Variants in TAF5L observed in about 807,000 individuals in gnomAD.
TAF5L encodes the protein TATA-box binding protein associated factor 5 like.
Under a neutral mutation model 51.3 loss-of-function variants are expected in TAF5L, and 7 were observed. That is an observed-to-expected ratio of 0.14 (90% CI 0.08 to 0.26). The LOEUF is 0.26. Among genes scored for constraint, TAF5L ranks in the 10% least tolerant of loss-of-function variants. The pLI is 1.00. For synonymous variants in TAF5L, 291 were observed against 308.1 expected, an observed-to-expected ratio of 0.94 and a Z score of 0.58; for missense variants, 575 against 758.9, an observed-to-expected ratio of 0.76 and a Z score of 2.85.
At position 229,614,339 on chromosome 1, in the gene TAF5L, A is replaced by G. The variant is rs1001986296; in HGVS notation, c.142+2T>C. 8.1e-6 allele frequency: 13 copies of G among 1,614,112 alleles called. No homozygotes were observed. The highest frequency in any genetic ancestry group is 1.1e-5 in the Non-Finnish European group (13 of 1,180,028). On this transcript the variant is annotated splice_donor_variant, in intron 2 of 4. Coordinates refer to ENST00000258281, the Ensembl canonical transcript of TAF5L. LOFTEE classifies it high-confidence loss of function. ...CCCCACCAGACGAGCCCCCACCATT[A>G]CCTGTTAGATTGGCCGCCATCTCTT... is the stretch of plus-strand genomic sequence containing the variant.
At chr1:229,605,007 G>A (rs1011488339) in intron 3 of TAF5L, among the ~76,000 whole-genome samples, 3 of 151,928 alleles carry the variant, frequency 2.0e-5, no homozygotes, top group African/African-American at 7.3e-5. Flanking sequence ...GCGCGATCTC[G>A]GCTCATTGCA....
Position 229,594,284 on chromosome 1 carries a change from C to T in TAF5L, c.*13G>A. ...CCACTGTTACCCCAGTCCGTTCCAA[C>T]AAAGTTAAAAAATTAATGTTCCTGA... On this transcript the variant is annotated 3_prime_UTR_variant, in exon 5 of 5. Coordinates refer to ENST00000258281, the Ensembl canonical transcript of TAF5L. This position sits in a 1 kb window ranked among gnomAD's most constrained non-coding sequence, Gnocchi z 7.9. The T allele has an allele frequency of 6.3e-7, 1 of 1,599,402 alleles. No individual in the cohort carries two copies. The highest frequency in any genetic ancestry group is 1.3e-5 in the African/African-American group (1 of 74,704).
chr1:229,618,726 G>A (rs1174017953), intron 1 of TAF5L, among the ~76,000 whole-genome samples: 1 of 152,088 alleles, frequency 6.6e-6, no homozygotes, highest in African/African-American at 2.4e-5. Flanking sequence ...TCCCTTCAGT[G>A]GTTACACGCT....
intron 4 of TAF5L, chr1:229,600,343 G>A: frequency 2.0e-6 from 2 of 985,452 alleles, no homozygotes; most frequent in Non-Finnish European, 2.4e-6. Flanking sequence ...AAAAAGGGCA[G>A]AGGTTAGCTA....
chr1:229,598,484 C>A (rs1031671231), intron 4 of TAF5L, among the ~76,000 whole-genome samples: 2 of 152,122 alleles, frequency 1.3e-5, no homozygotes, highest in Admixed American at 1.3e-4. Context: ...GGGGGCAAAA[C>A]CACCAGACAT....
At chr1:229,622,710 A>G (rs1665258486) in intron 1 of TAF5L, among the ~76,000 whole-genome samples, 1 of 152,208 alleles carries the variant, frequency 6.6e-6, no homozygotes. Context: ...GAGCTCAAAG[A>G]TCTTCCTGAG....
At chr1:229,618,759 C>T (rs1186347457) in intron 1 of TAF5L, among the ~76,000 whole-genome samples, 1 of 152,112 alleles carries the variant, frequency 6.6e-6, no homozygotes, top group Non-Finnish European at 1.5e-5. Context: ...TCCACCCCCA[C>T]CCCCGTTAGG....
intron 3 of TAF5L, among the ~76,000 whole-genome samples, chr1:229,603,875 A>C (rs972511919): frequency 5.3e-5 from 8 of 152,232 alleles, no homozygotes; most frequent in African/African-American, 1.9e-4. Context: ...CAGCAGGGCC[A>C]CTGCAGGGCA....
chr1:229,620,241 T>C (rs1333701620), intron 1 of TAF5L, among the ~76,000 whole-genome samples: 1 of 152,188 alleles, frequency 6.6e-6, no homozygotes, highest in Non-Finnish European at 1.5e-5. Context: ...TCTCGCTCTC[T>C]TTAGAGAAGT....
rs1664036886 is a variant in TAF5L at position 229,594,373 on chromosome 1, T to C, written c.1694A>G (p.Asn565Ser). The change falls in exon 5 of 5, where the codon AAC (asparagine) becomes AGC (serine). Residue 565 changes from asparagine (N) to serine (S), a missense_variant. Around this residue, in one of 3 missense-constraint regions of TAF5L, gnomAD observed 91 missense variants for 96.9 expected, o/e 0.94. Transcript: ENST00000258281. The surrounding 1 kb of genome is among the most constrained non-coding windows in gnomAD (Gnocchi z 7.9). Reference sequence around the variant, plus strand: ...GGCCATGAACTGCACGCTCAGGACGTTGCTCATCTGCCCGGTGTACACGCC... The same window carrying C: ...GGCCATGAACTGCACGCTCAGGACGCTGCTCATCTGCCCGGTGTACACGCC... 1 of 1,614,132 alleles carries C rather than the reference T, an allele frequency of 6.2e-7. No homozygotes were observed. Among genetic ancestry groups the C allele is most frequent in the African/African-American group, 1.3e-5 (1 of 75,042 alleles).
At position 229,602,350 on chromosome 1, in the gene TAF5L, T is replaced by C. The variant is rs376562121; in HGVS notation, c.817A>G (p.Thr273Ala). Residue 273 changes from threonine to alanine, a missense_variant, in exon 4 of 5, where the codon ACT becomes GCT. Physicochemically the swap from Thr to Ala is moderately conservative, Grantham distance 58 (BLOSUM62 0). This residue lies in a region of TAF5L where 380 missense variants were observed against 443.7 expected (regional missense o/e 0.86). Coordinates refer to ENST00000258281, the Ensembl canonical transcript of TAF5L. The surrounding 1 kb of genome is among the most constrained non-coding windows in gnomAD (Gnocchi z 4.6). ...TTGCTATCGGGGGAGATTTCTGCAGTGTTCAACAGCTGCTCTGTGTTATAG... is the reference window on the plus strand; with the variant it reads ...TTGCTATCGGGGGAGATTTCTGCAGCGTTCAACAGCTGCTCTGTGTTATAG... 74 of 1,614,012 alleles carry C rather than the reference T, an allele frequency of 4.6e-5. No homozygotes were observed. The highest frequency in any genetic ancestry group is 6.0e-5 in the Non-Finnish European group (71 of 1,180,036).
intron 1 of TAF5L, among the ~76,000 whole-genome samples, chr1:229,615,232 C>A (rs910248174): frequency 6.6e-5 from 10 of 152,066 alleles, no homozygotes; most frequent in Non-Finnish European, 1.3e-4. Context: ...GGACTACAGG[C>A]ACCCACCACC....
intron 4 of TAF5L, among the ~76,000 whole-genome samples, chr1:229,596,876 T>A (rs1287426798): frequency 6.6e-6 from 1 of 152,202 alleles, no homozygotes. Flanking sequence ...GGGCACCTTT[T>A]TTTTCTACTT....
intron 3 of TAF5L, among the ~76,000 whole-genome samples, chr1:229,603,319 T>C (rs1664459879): frequency 6.6e-6 from 1 of 152,222 alleles, no homozygotes; most frequent in Non-Finnish European, 1.5e-5. Flanking sequence ...TCTTGGAAGA[T>C]TGAGTTCTTC....
chr1:229,625,646 G>A lies in TAF5L; in HGVS notation c.-4+239C>T, dbSNP rs2102772381. 6.6e-6 allele frequency among the ~76,000 whole-genome samples: 1 copy of A among 151,036 alleles called. No homozygotes were observed. The highest frequency in any genetic ancestry group is 2.4e-5 in the African/African-American group (1 of 41,378). The stretch of plus-strand genomic sequence containing the variant: ...GTCCAGGTGTAGCCGCCGACTGCAG[G>A]CCACGCCGCCGGCCGCAGCCCGGGA... On this transcript the variant is annotated intron_variant, in intron 1 of 4. Transcript: ENST00000258281. This position sits in a 1 kb window ranked among gnomAD's most constrained non-coding sequence, Gnocchi z 4.0.
At chr1:229,599,985 T>C in intron 4 of TAF5L, 1 of 985,488 alleles carries the variant, frequency 1.0e-6, no homozygotes, top group Non-Finnish European at 1.2e-6. Context: ...ACCACTTGCT[T>C]TTACCTGTTT....
At chr1:229,614,384 C>G in exon 2 of TAF5L, 1 of 1,614,250 alleles carries the variant, frequency 6.2e-7, no homozygotes, top group Non-Finnish European at 8.5e-7. Flanking sequence ...GTGACAGCCG[C>G]AGTCCTTGCT....
intron 2 of TAF5L, 117 bp from the exon 3 acceptor site, chr1:229,610,327 TCAG>T (rs1664742456): frequency 2.2e-6 from 2 of 890,452 alleles, no homozygotes; most frequent in Admixed American, 2.3e-5. Context: ...AACTGACATT[TCAG>T]CAGGTTTCCA....
intron 2 of TAF5L, chr1:229,614,009 T>A: frequency 1.7e-6 from 1 of 581,616 alleles, no homozygotes; most frequent in Non-Finnish European, 3.1e-6. Context: ...GGAGACCCTG[T>A]CCCTAAGGGT....
Sources: gnomAD v4.1 joint callset for allele counts (sites outside exome capture counted in the v4.1 genomes callset) on GRCh38, gnomAD v4.1.1 for gene constraint, gnomAD v4.1.1 regional missense constraint, Gnocchi (gnomAD v3.1) non-coding constraint, MANE v1.5 for transcripts, NCBI Gene and HGNC (gene_info 2026-07-23, HGNC 2026-07-21) for gene names.